Variants in SLC39A12 observed in about 807,000 individuals in gnomAD.
SLC39A12 encodes the protein zinc transporter ZIP12.
A neutral mutation model predicts 71.1 loss-of-function variants in SLC39A12; 63 were observed. The observed-to-expected ratio is 0.89, with a 90% CI of 0.72 to 1.09. The LOEUF is 1.09. Ranked by LOEUF, SLC39A12 falls within the 50% of genes least tolerant of loss-of-function variation. The pLI, the probability that SLC39A12 is intolerant of heterozygous loss-of-function variation, is 0.00. For missense variants in SLC39A12, 892 were observed against 812.6 expected, an observed-to-expected ratio of 1.10 and a Z score of -1.19; for synonymous variants, 351 against 301.3, an observed-to-expected ratio of 1.16 and a Z score of -1.71.
At chr10:18,023,044 G>T (rs1836577666) in intron 12 of SLC39A12, among the ~76,000 whole-genome samples, 1 of 152,154 alleles carries the variant, frequency 6.6e-6, no homozygotes, top group Admixed American at 6.5e-5. Context: ...TGCTAAGAGT[G>T]TAGGCTCCTC....
At chr10:18,028,791 C>T (rs898635427) in intron 12 of SLC39A12, among the ~76,000 whole-genome samples, 1 of 152,100 alleles carries the variant, frequency 6.6e-6, no homozygotes, top group Non-Finnish European at 1.5e-5. Flanking sequence ...GTGATCTTGG[C>T]TCACTGCAAC....
rs1349258262 is a variant in SLC39A12 at position 18,000,539 on chromosome 10, TG to T, written c.1601-127del. ...AGTCCTGACTTTTGCGGAAACAAAGTGATGTTATTTAATCAGATGGAATATA... is the reference window on the plus strand; with the variant it reads ...AGTCCTGACTTTTGCGGAAACAAAGTATGTTATTTAATCAGATGGAATATA... On this transcript the variant is annotated intron_variant, in intron 10 of 12. Coordinates refer to ENST00000377369, the MANE Select transcript of SLC39A12 (RefSeq NM_001145195.2). 4.7e-6 allele frequency: 4 copies of T among 858,164 alleles called. No homozygotes were observed. The African/African-American group carries it at 6.8e-5, about 14-fold the overall frequency. The allele number at this position is 858,164 out of a possible 1,614,324, so 53.2% of individuals were successfully genotyped here.
At chr10:17,995,571 C>T in intron 9 of SLC39A12, 85 bp from the exon 10 acceptor site, 2 of 1,243,440 alleles carry the variant, frequency 1.6e-6, no homozygotes, top group Non-Finnish European at 2.3e-6. Context: ...TTTTAAAAAC[C>T]CATGTAACTC....
intron 12 of SLC39A12, chr10:18,004,196 C>A (rs1452575036): frequency 6.6e-6 from 1 of 152,096 alleles, no homozygotes; most frequent in Non-Finnish European, 1.5e-5. Flanking sequence ...AAGGTAAAAT[C>A]ATATTGATTA....
chr10:18,010,131 T>G (rs988272715), intron 12 of SLC39A12, among the ~76,000 whole-genome samples: 3 of 152,194 alleles, frequency 2.0e-5, no homozygotes, highest in African/African-American at 7.2e-5. Flanking sequence ...TTTGAATGAG[T>G]CTTTCTTTAT....
Position 17,952,875 on chromosome 10 carries a change from T to C in SLC39A12, c.-86-316T>C, listed in dbSNP as rs996386069. 4.6e-5 allele frequency among the ~76,000 whole-genome samples: 7 copies of C among 152,344 alleles called. No individual in the cohort carries two copies. In the East Asian group the frequency reaches 1.2e-3, roughly 25 times the overall value. On this transcript the variant is annotated intron_variant, in intron 1 of 12. Coordinates refer to ENST00000377369, the MANE Select transcript of SLC39A12 (RefSeq NM_001145195.2). ...GGACCATGAATCACTTGGAGTTCTT[T>C]ATAATGGGATAAACATAAGGTGTTT... is the stretch of plus-strand genomic sequence containing the variant.
At chr10:17,998,495 G>A (rs1347183842) in intron 10 of SLC39A12, among the ~76,000 whole-genome samples, 1 of 152,078 alleles carries the variant, frequency 6.6e-6, no homozygotes, top group East Asian at 1.9e-4. Context: ...TGATCTAGTA[G>A]CATTATTGGT....
At chr10:18,012,668 A>G (rs1025751322) in intron 12 of SLC39A12, among the ~76,000 whole-genome samples, 5 of 152,256 alleles carry the variant, frequency 3.3e-5, no homozygotes, top group African/African-American at 7.2e-5. Flanking sequence ...AGAGGTCAAG[A>G]CCGTCCTGGC....
rs766893728 is a variant in SLC39A12 at position 17,978,062 on chromosome 10, T to G, written c.912T>G (p.Val304=). ...AAAAAGAGTCTGAGGATGGTCCAGT[T>G]TCCTGGGATCAGGTATTGCCATTGT... ...SMEKESEDGP[V]SWDQTCFSAR... The change falls in exon 5 of 13, where the codon GTT becomes GTG. Residue 304 remains valine, a synonymous_variant. Coordinates refer to ENST00000377369, the MANE Select transcript of SLC39A12 (RefSeq NM_001145195.2). 15 of 1,586,760 alleles carry G rather than the reference T, an allele frequency of 9.5e-6. No individual in the cohort carries two copies. The highest frequency in any genetic ancestry group is 1.3e-5 in the Non-Finnish European group (15 of 1,170,490).
At chr10:18,003,080 C>G in intron 11 of SLC39A12, 91 bp from the exon 12 acceptor site, 1 of 1,193,574 alleles carries the variant, frequency 8.4e-7, no homozygotes, top group Non-Finnish European at 1.2e-6. Context: ...GGTTCCAGTG[C>G]TGACATTCGA....
At chr10:18,027,401 T>C (rs888925250) in intron 12 of SLC39A12, among the ~76,000 whole-genome samples, 2 of 152,334 alleles carry the variant, frequency 1.3e-5, no homozygotes, top group Admixed American at 1.3e-4. Context: ...AGCAGAATGC[T>C]CTGGTATATT....
At chr10:18,037,874 G>A (rs894055120) in intron 12 of SLC39A12, among the ~76,000 whole-genome samples, 2 of 151,734 alleles carry the variant, frequency 1.3e-5, no homozygotes, top group Non-Finnish European at 2.9e-5. Context: ...CAAAAAATTA[G>A]CCAGGCATGG....
At chr10:17,966,478 T>G (rs1055450889) in intron 4 of SLC39A12, among the ~76,000 whole-genome samples, 1 of 152,074 alleles carries the variant, frequency 6.6e-6, no homozygotes, top group Middle Eastern at 3.4e-3. Context: ...GCCCAGCTAA[T>G]TTTCTTATTT....
At chr10:17,966,678 A>G (rs947035387) in intron 4 of SLC39A12, among the ~76,000 whole-genome samples, 42 of 152,166 alleles carry the variant, frequency 2.8e-4, no homozygotes, top group African/African-American at 9.9e-4. Context: ...TTAATATCAT[A>G]AAAAATTCAG....
intron 10 of SLC39A12, 93 bp downstream of exon 10, chr10:17,995,815 A>T (rs1353897394): frequency 9.1e-7 from 1 of 1,095,718 alleles, no homozygotes; most frequent in Non-Finnish European, 1.3e-6. Flanking sequence ...TATAGATATC[A>T]TATTGGGTAT....
intron 3 of SLC39A12, among the ~76,000 whole-genome samples, chr10:17,962,227 C>T (rs77537134): frequency 6.6e-6 from 1 of 152,156 alleles, no homozygotes; most frequent in African/African-American, 2.4e-5. Context: ...ATTTGCCTTG[C>T]CTTCTGGCTG....
intron 12 of SLC39A12, among the ~76,000 whole-genome samples, chr10:18,030,769 C>A (rs1312394063): frequency 6.8e-6 from 1 of 146,544 alleles, no homozygotes; most frequent in Admixed American, 6.8e-5. Context: ...TTAGGTATAT[C>A]TCCCAATGCT....
chr10:17,956,878 A>G (rs1554847829), intron 2 of SLC39A12, among the ~76,000 whole-genome samples: 1 of 152,118 alleles, frequency 6.6e-6, no homozygotes, highest in African/African-American at 2.4e-5. Context: ...CAGTCAGAAG[A>G]CCCACTAAAT....
chr10:17,960,254 G>A (rs1250911635), intron 2 of SLC39A12, among the ~76,000 whole-genome samples: 2 of 152,152 alleles, frequency 1.3e-5, no homozygotes, highest in Non-Finnish European at 2.9e-5. Context: ...CCCATCTCCA[G>A]TGATAAGAAT....
Sources: gnomAD v4.1 joint callset for allele counts (sites outside exome capture counted in the v4.1 genomes callset) on GRCh38, gnomAD v4.1.1 for gene constraint, MANE v1.5 for transcripts, NCBI Gene and HGNC (gene_info 2026-07-23, HGNC 2026-07-21) for gene names.